Variants in MLLT1 observed in about 807,000 individuals in gnomAD.
MLLT1 encodes the protein MLLT1 super elongation complex subunit.
Under a neutral mutation model 55.1 loss-of-function variants are expected in MLLT1, and 11 were observed. That is an observed-to-expected ratio of 0.20 (90% CI 0.13 to 0.33). The LOEUF is 0.33. Ranked by LOEUF, MLLT1 falls within the 10% of genes least tolerant of loss-of-function variation. The pLI is 1.00. For synonymous variants in MLLT1, 323 were observed against 320.1 expected (o/e 1.01, Z -0.10); for missense variants, 536 against 760.6 (o/e 0.70, Z 3.47).
In MLLT1 at chr19:6,222,075, A is replaced by T; in HGVS notation, c.1110+46T>A. On this transcript the variant is annotated intron_variant, in intron 6 of 11. Coordinates refer to ENST00000252674, the MANE Select transcript of MLLT1 (RefSeq NM_005934.4). This position sits in a 1 kb window ranked among gnomAD's most constrained non-coding sequence, Gnocchi z 4.1. ...CTGTTCCAGAAGGGAGGCGGGTCCC[A>T]CCACACTGCCTGCACCTGGCTGCCC... 1 of 1,422,056 alleles carries T rather than the reference A, an allele frequency of 7.0e-7. No homozygotes were observed. Among genetic ancestry groups the T allele is most frequent in the Non-Finnish European group, 9.3e-7 (1 of 1,078,034 alleles). The allele number at this position is 1,422,056 out of a possible 1,614,324, so 88.1% of individuals were successfully genotyped here.
rs1263305265 is a variant in MLLT1, at chr19:6,212,146, CGA to C, written c.*894_*895del. The C allele has an allele frequency of 9.4e-7, 1 of 1,065,876 alleles. No individual in the cohort carries two copies. The allele number at this position is 1,065,876 out of a possible 1,614,324, so 66.0% of individuals were successfully genotyped here. ...AGGCCGAGCCCCAGGGCGGCTGATG[CGA>C]GTCTGTCCGCGGAGACTGTTGGCGC... On this transcript the variant is annotated 3_prime_UTR_variant, in exon 12 of 12. Coordinates refer to ENST00000252674, the MANE Select transcript of MLLT1 (RefSeq NM_005934.4).
intron 9 of MLLT1, 46 bp from the exon 10 acceptor site, chr19:6,213,843 C>T (rs1333241520): frequency 1.4e-5 from 22 of 1,601,886 alleles, no homozygotes; most frequent in East Asian, 2.2e-5. Flanking sequence ...CACACCCTCC[C>T]CAGCCCCGAA....
Position 6,230,980 on chromosome 19 carries a change from C to T in MLLT1, c.277-267G>A, listed in dbSNP as rs2091003190. Among the ~76,000 whole-genome samples, 1 of 152,230 alleles carries T rather than the reference C, an allele frequency of 6.6e-6. No homozygotes were observed. Among genetic ancestry groups the T allele is most frequent in the African/African-American group, 2.4e-5 (1 of 41,454 alleles). On this transcript the variant is annotated intron_variant, in intron 3 of 11. Transcript: ENST00000252674. The surrounding 1 kb of genome is among the most constrained non-coding windows in gnomAD (Gnocchi z 9.0). Reference sequence around the variant, plus strand: ...CATGCTCTCGGACTGTTATGGGAAACATGTACCCCCTTCAACCCTCACAGC... The same window carrying T: ...CATGCTCTCGGACTGTTATGGGAAATATGTACCCCCTTCAACCCTCACAGC...
chr19:6,220,267 G>A (rs1416925960), intron 6 of MLLT1, among the ~76,000 whole-genome samples: 2 of 152,256 alleles, frequency 1.3e-5, no homozygotes, highest in African/African-American at 4.8e-5. Context: ...AGGCCGATGT[G>A]CTTCTTCACC....
intron 3 of MLLT1, among the ~76,000 whole-genome samples, chr19:6,246,507 C>T (rs572493284): frequency 3.9e-5 from 6 of 152,306 alleles, no homozygotes; most frequent in Middle Eastern, 3.4e-3. Flanking sequence ...AATCTAAGTG[C>T]GCTTTGCTAA....
chr19:6,271,581 G>A lies in MLLT1; in HGVS notation c.13-822C>T, dbSNP rs545275245. Among the ~76,000 whole-genome samples, 3 of 152,308 alleles carry A rather than the reference G, an allele frequency of 2.0e-5. No individual in the cohort carries two copies. In the South Asian group the frequency reaches 6.2e-4, roughly 32 times the overall value. The stretch of plus-strand genomic sequence containing the variant: ...CATGCCACTGAACACAAAGTTGCAT[G>A]CCTTCAAAGCACTCTTCATACCTAG... On this transcript the variant is annotated intron_variant, in intron 1 of 11. Transcript: ENST00000252674.
At position 6,230,548 on chromosome 19, in the gene MLLT1, G is replaced by T; in HGVS notation, c.420+22C>A. On this transcript the variant is annotated intron_variant, in intron 4 of 11. Transcript: ENST00000252674. This position sits in a 1 kb window ranked among gnomAD's most constrained non-coding sequence, Gnocchi z 9.0. Reference sequence around the variant, plus strand: ...GCCTCGGTGGAGCGGCCCCTTGGCGGGCAGGGGCGGGGCACACTCACCCCG... The same window carrying T: ...GCCTCGGTGGAGCGGCCCCTTGGCGTGCAGGGGCGGGGCACACTCACCCCG... The T allele has an allele frequency of 6.2e-7, 1 of 1,610,776 alleles. No individual in the cohort carries two copies. Among genetic ancestry groups the T allele is most frequent in the South Asian group, 1.1e-5 (1 of 90,996 alleles).
chr19:6,258,344 A>C (rs2144932685), intron 3 of MLLT1, among the ~76,000 whole-genome samples: 1 of 151,752 alleles, frequency 6.6e-6, no homozygotes, highest in East Asian at 2.0e-4. Context: ...ACTGAAGTTC[A>C]TTTGCAACCC....
Position 6,270,743 on chromosome 19 carries a change from C to T in MLLT1, c.29G>A (p.Arg10Lys), listed in dbSNP as rs1226168452. 1 of 1,610,160 alleles carries T rather than the reference C, an allele frequency of 6.2e-7. No individual in the cohort carries two copies. The highest frequency in any genetic ancestry group is 1.7e-5 in the Admixed American group (1 of 59,740). ...TTGGGCGCGATGCCCCAGCTCTAACCTCACCTGGACGGTGCACTGGAGGAG... is the reference window on the plus strand; with the variant it reads ...TTGGGCGCGATGCCCCAGCTCTAACTTCACCTGGACGGTGCACTGGAGGAG... MDNQCTVQV[R>K]LELGHRAQLR... The change falls in exon 2 of 12, where the codon AGG becomes AAG. Residue 10 changes from arginine to lysine, a missense_variant. Coordinates refer to ENST00000252674, the MANE Select transcript of MLLT1 (RefSeq NM_005934.4). This position sits in a 1 kb window ranked among gnomAD's most constrained non-coding sequence, Gnocchi z 7.1.
rs924191338 is a variant in MLLT1 at position 6,213,949 on chromosome 19, G to A, written c.1397C>T (p.Pro466Leu). Residue 466 changes from proline (P) to leucine (L), a missense_variant, in exon 9 of 12, where the codon CCC becomes CTC. Coordinates refer to ENST00000252674, the MANE Select transcript of MLLT1 (RefSeq NM_005934.4). Reference protein sequence around the residue: ...EPPPPQKPPPPNSKVSGRRSP... With the variant: ...EPPPPQKPPPLNSKVSGRRSP... ...AGGCCCCAGGCTCACCTTGCTGTTGGGCGGGGGTGGCTTCTGGGGGGGTGG... is the reference window on the plus strand; with the variant it reads ...AGGCCCCAGGCTCACCTTGCTGTTGAGCGGGGGTGGCTTCTGGGGGGGTGG... 15 of 1,451,328 alleles carry A rather than the reference G, an allele frequency of 1.0e-5. No individual in the cohort carries two copies. The highest frequency in any genetic ancestry group is 1.4e-5 in the Non-Finnish European group (15 of 1,095,722). The allele number at this position is 1,451,328 out of a possible 1,614,324, so 89.9% of individuals were successfully genotyped here.
At chr19:6,237,109 C>T (rs560693902) in intron 3 of MLLT1, among the ~76,000 whole-genome samples, 11 of 152,260 alleles carry the variant, frequency 7.2e-5, no homozygotes, top group Non-Finnish European at 1.2e-4. Flanking sequence ...GAGCCCGCCA[C>T]GCCTGCTGGT....
intron 3 of MLLT1, among the ~76,000 whole-genome samples, chr19:6,260,272 C>T (rs530870688): frequency 6.6e-6 from 1 of 152,250 alleles, no homozygotes; most frequent in South Asian, 2.1e-4. Context: ...TCTACAGGGC[C>T]AGGATGCAAG....
Position 6,226,921 on chromosome 19 carries a change from C to A in MLLT1, c.546+56G>T. On this transcript the variant is annotated intron_variant, in intron 5 of 11. Coordinates refer to ENST00000252674, the MANE Select transcript of MLLT1 (RefSeq NM_005934.4). The surrounding 1 kb of genome is among the most constrained non-coding windows in gnomAD (Gnocchi z 6.3). ...GTGGAGGGAGGGCGCCGGGGCCAGA[C>A]CCACCACAGCTGGGCCCCGGCGCTC... The A allele has an allele frequency of 6.8e-7, 1 of 1,467,930 alleles. No homozygotes were observed. Among genetic ancestry groups the A allele is most frequent in the East Asian group, 2.6e-5 (1 of 37,814 alleles). 90.9% of individuals were successfully genotyped at this position (1,467,930 alleles called of 1,614,324 possible).
chr19:6,276,243 T>C (rs2144969024), intron 1 of MLLT1, among the ~76,000 whole-genome samples: 1 of 152,252 alleles, frequency 6.6e-6, no homozygotes, highest in Non-Finnish European at 1.5e-5. Context: ...AGGTGAGGAA[T>C]CTGTCACACC....
chr19:6,256,013 C>T lies in MLLT1; in HGVS notation c.276+6215G>A, dbSNP rs530235946. On this transcript the variant is annotated intron_variant, in intron 3 of 11. Transcript: ENST00000252674. The surrounding 1 kb of genome is among the most constrained non-coding windows in gnomAD (Gnocchi z 4.1). ...GCAGGTAGATCACCTGAGGTCAGTT[C>T]GAGACCAGCCTGGCCAATGTGGTGA... 7.4e-4 allele frequency among the ~76,000 whole-genome samples: 112 copies of T among 151,876 alleles called. 1 individual carries two copies. Among genetic ancestry groups the T allele is most frequent in the Admixed American group, 5.0e-3 (77 of 15,260 alleles).
At position 6,244,200 on chromosome 19, in the gene MLLT1, G is replaced by A. The variant is rs75286894; in HGVS notation, c.277-13487C>T. 2.2e-3 allele frequency among the ~76,000 whole-genome samples: 337 copies of A among 151,990 alleles called. 2 individuals carry two copies. The highest frequency in any genetic ancestry group is 7.8e-3 in the African/African-American group (325 of 41,448). The stretch of plus-strand genomic sequence containing the variant: ...TCACTTCCTCTCCCGTGTGTCTGCC[G>A]TCTCTTGCCCTGTCAGTCTGTGAAC... On this transcript the variant is annotated intron_variant, in intron 3 of 11. Transcript: ENST00000252674.
At chr19:6,220,894 C>T (rs1017928932) in intron 6 of MLLT1, among the ~76,000 whole-genome samples, 2 of 152,154 alleles carry the variant, frequency 1.3e-5, no homozygotes, top group South Asian at 2.1e-4. Flanking sequence ...AAGGTGGCAC[C>T]GGCCCCCCCA....
chr19:6,245,491 A>C (rs942873474), intron 3 of MLLT1, among the ~76,000 whole-genome samples: 2 of 149,004 alleles, frequency 1.3e-5, no homozygotes, highest in African/African-American at 4.9e-5. Context: ...TGGGCGGATC[A>C]CGAGGTCAGG....
chr19:6,255,463 A>G (rs959506308), intron 3 of MLLT1, among the ~76,000 whole-genome samples: 1 of 152,234 alleles, frequency 6.6e-6, no homozygotes, highest in Admixed American at 6.5e-5. Flanking sequence ...ACTGCACTCC[A>G]GCCTAGGTGA....
Sources: allele counts gnomAD v4.1 joint callset (sites outside exome capture counted in the v4.1 genomes callset), GRCh38; gene constraint gnomAD v4.1.1; non-coding constraint Gnocchi (gnomAD v3.1); transcripts MANE v1.5; gene names NCBI Gene and HGNC (gene_info 2026-07-23, HGNC 2026-07-21).